KDM5B: variants seen among roughly 807,000 people sequenced by gnomAD.
KDM5B encodes the protein lysine-specific demethylase 5B.
KDM5B carries 144 observed loss-of-function variants against 193.4 expected under a neutral mutation model. That is an observed-to-expected ratio of 0.74 (90% CI 0.65 to 0.86). The LOEUF (loss-of-function observed/expected upper bound fraction) is 0.86, where lower values mean the gene tolerates loss of function less well. Among genes scored for constraint, KDM5B ranks in the 40% least tolerant of loss-of-function variants. The pLI is 0.00. For missense variants in KDM5B, 1,833 were observed against 1,886.9 expected (o/e 0.97, Z 0.53); for synonymous variants, 668 against 682.6 (o/e 0.98, Z 0.33).
In KDM5B at chr1:202,741,637, T is replaced by C. The variant is rs1412271057; in HGVS notation, c.2675A>G (p.Asp892Gly). 1.9e-6 allele frequency: 3 copies of C among 1,614,094 alleles called. No individual in the cohort carries two copies. In the Admixed American group the frequency reaches 5.0e-5, roughly 27 times the overall value. Residue 892 changes from aspartate to glycine, a missense_variant, in exon 19 of 27, where the codon GAC becomes GGC. Physicochemically the swap from Asp to Gly is moderately conservative, Grantham distance 94. This residue lies in a region of KDM5B where 1,379 missense variants were observed against 1,349.6 expected (regional missense o/e 1.02). Coordinates refer to ENST00000367265, the MANE Select transcript of KDM5B (RefSeq NM_006618.5). ...EETPSAAELQ[D>G]LLDVSFEFDV... ...AAATTCAAAGCTGACATCTAGCAAG[T>C]CCTGCAGCTCCGCAGCACTAGGCGT...
intron 1 of KDM5B, among the ~76,000 whole-genome samples, chr1:202,795,139 A>G (rs1051763814): frequency 6.6e-6 from 1 of 152,044 alleles, no homozygotes; most frequent in Non-Finnish European, 1.5e-5. Context: ...GCTTGAGCCC[A>G]GGAGGCAGAG....
At position 202,725,534 on chromosome 1, in the gene KDM5B, T is replaced by C. The variant is rs950568072; in HGVS notation, c.*3502A>G. Reference sequence around the variant, plus strand: ...CATCACACTGCTGCTTCATAGTCACTAGGAGTTGAGGGACCCTGACCCTCA... The same window carrying C: ...CATCACACTGCTGCTTCATAGTCACCAGGAGTTGAGGGACCCTGACCCTCA... On this transcript the variant is annotated 3_prime_UTR_variant, in exon 27 of 27. Transcript: ENST00000367265. 1 of 152,192 alleles carries C rather than the reference T, an allele frequency of 6.6e-6. No homozygotes were observed. Among genetic ancestry groups the C allele is most frequent in the African/African-American group, 2.4e-5 (1 of 41,432 alleles). 9.4% of individuals were successfully genotyped at this position (152,192 alleles called of 1,614,324 possible).
intron 15 of KDM5B, 68 bp downstream of exon 15, chr1:202,746,074 G>A (rs576534556): frequency 4.6e-5 from 73 of 1,575,652 alleles, no homozygotes; most frequent in South Asian, 1.8e-4. Flanking sequence ...CTAGAACTGC[G>A]GTATCATTGA....
chr1:202,748,606 C>T (rs1272677362), intron 14 of KDM5B, among the ~76,000 whole-genome samples: 1 of 151,862 alleles, frequency 6.6e-6, no homozygotes, highest in Admixed American at 6.5e-5. Context: ...TGGTGGCTCA[C>T]GCCTGTAATC....
rs754755990 is a variant in KDM5B, at chr1:202,749,090, T to C, written c.1871A>G (p.Tyr624Cys). ...CATCTCATCGTGGGAAAACACACAA[T>C]ATCGATGAAGCAAGCGATAATGCTC... ...CVEHYRLLHR[Y>C]CVFSHDEMIC... The change falls in exon 14 of 27, where the codon TAT (tyrosine) becomes TGT (cysteine). Residue 624 changes from tyrosine (Y) to cysteine (C), a missense_variant. Physicochemically the swap from Tyr to Cys is radical, Grantham distance 194. Transcript: ENST00000367265. 1.9e-5 allele frequency: 31 copies of C among 1,613,898 alleles called. No individual in the cohort carries two copies. Among genetic ancestry groups the C allele is most frequent in the Non-Finnish European group, 2.5e-5 (30 of 1,179,966 alleles).
chr1:202,773,672 T>C (rs1410074859), intron 3 of KDM5B, among the ~76,000 whole-genome samples: 1 of 152,018 alleles, frequency 6.6e-6, no homozygotes, highest in Admixed American at 6.6e-5. Flanking sequence ...CATGCCAGCA[T>C]GTTTGATGGA....
At chr1:202,732,674 T>C (rs1358792455) in intron 23 of KDM5B, among the ~76,000 whole-genome samples, 1 of 151,898 alleles carries the variant, frequency 6.6e-6, no homozygotes, top group Non-Finnish European at 1.5e-5. Flanking sequence ...ATATAATCCA[T>C]GTGTCTGTGC....
intron 12 of KDM5B, among the ~76,000 whole-genome samples, chr1:202,752,423 G>A (rs1483318450): frequency 6.6e-6 from 1 of 152,012 alleles, no homozygotes; most frequent in African/African-American, 2.4e-5. Flanking sequence ...TGTGTAGTTG[G>A]CTATACCATC....
intron 11 of KDM5B, among the ~76,000 whole-genome samples, chr1:202,754,501 T>C (rs887324751): frequency 6.6e-6 from 1 of 152,136 alleles, no homozygotes; most frequent in African/African-American, 2.4e-5. Flanking sequence ...CTACTGTGCA[T>C]AGTGATACCT....
rs369191122 is a variant in KDM5B, at chr1:202,806,812, G to A, written c.204+1290C>T. 1.4e-4 allele frequency: 22 copies of A among 152,242 alleles called. 1 individual carries two copies. The highest frequency in any genetic ancestry group is 5.1e-4 in the African/African-American group (21 of 41,512). The allele number at this position is 152,242 out of a possible 1,614,324, so 9.4% of individuals were successfully genotyped here. A position where few individuals can be genotyped will look rare whatever the true frequency, so the allele number is the denominator to read the frequency against. On this transcript the variant is annotated intron_variant, in intron 1 of 26. Transcript: ENST00000367265. ...GTGGGAAGGGGTCTTCCTCTACTTA[G>A]AAGTGGGGGTGGGGGAAGAGAGTGG...
rs1368538398 is a variant in KDM5B, at chr1:202,727,724, A to G, written c.*1312T>C. On this transcript the variant is annotated 3_prime_UTR_variant, in exon 27 of 27. Coordinates refer to ENST00000367265, the MANE Select transcript of KDM5B (RefSeq NM_006618.5). ...CAGTTAGAAAGAAATGAGAAAGGAA[A>G]CCAGGAGGCAGAGTCTGGGAATTCA... 6.6e-6 allele frequency: 1 copy of G among 152,556 alleles called. No individual in the cohort carries two copies. The highest frequency in any genetic ancestry group is 1.5e-5 in the Non-Finnish European group (1 of 68,020). 9.5% of individuals were successfully genotyped at this position (152,556 alleles called of 1,614,324 possible). A position where few individuals can be genotyped will look rare whatever the true frequency, so the allele number is the denominator to read the frequency against.
chr1:202,727,292 A>T lies in KDM5B; in HGVS notation c.*1744T>A, dbSNP rs1654707717. On this transcript the variant is annotated 3_prime_UTR_variant, in exon 27 of 27. Coordinates refer to ENST00000367265, the MANE Select transcript of KDM5B (RefSeq NM_006618.5). ...ATTTGAATACTAACAAGGCCAAACCACGATGATTCCAAATTGTACTCTGGA... is the reference window on the plus strand; with the variant it reads ...ATTTGAATACTAACAAGGCCAAACCTCGATGATTCCAAATTGTACTCTGGA... The T allele has an allele frequency of 6.6e-6, 1 of 152,232 alleles. No homozygotes were observed. Among genetic ancestry groups the T allele is most frequent in the African/African-American group, 2.4e-5 (1 of 41,460 alleles). 9.4% of individuals were successfully genotyped at this position (152,232 alleles called of 1,614,324 possible). A position where few individuals can be genotyped will look rare whatever the true frequency, so the allele number is the denominator to read the frequency against.
At chr1:202,807,932 C>A (rs1658375306) in intron 1 of KDM5B, among the ~76,000 whole-genome samples, 170 bp downstream of exon 1, 1 of 152,022 alleles carries the variant, frequency 6.6e-6, no homozygotes, top group Non-Finnish European at 1.5e-5. Flanking sequence ...TGGAGAAGCC[C>A]CCGTCTTCCT....
Position 202,742,510 on chromosome 1 carries a change from A to G in KDM5B, c.2475-5T>C. On this transcript the variant is annotated splice_region_variant and splice_polypyrimidine_tract_variant and intron_variant, in intron 17 of 26. Coordinates refer to ENST00000367265, the MANE Select transcript of KDM5B (RefSeq NM_006618.5). Reference sequence around the variant, plus strand: ...TTCCCTCCACCAGATCGATATCTGTAAAGACAAAGGCCCAAGGAAGCCATA... The same window carrying G: ...TTCCCTCCACCAGATCGATATCTGTGAAGACAAAGGCCCAAGGAAGCCATA... 6.2e-7 allele frequency: 1 copy of G among 1,612,976 alleles called. No individual in the cohort carries two copies. The highest frequency in any genetic ancestry group is 8.5e-7 in the Non-Finnish European group (1 of 1,179,126).
chr1:202,740,288 A>G (rs1317789675), intron 20 of KDM5B, among the ~76,000 whole-genome samples: 1 of 127,210 alleles, frequency 7.9e-6, no homozygotes. Flanking sequence ...GGGGCTCCTC[A>G]CTTTCCAGTA....
chr1:202,736,243 C>A lies in KDM5B; in HGVS notation c.3234G>T (p.Leu1078Phe). 6.3e-7 allele frequency: 1 copy of A among 1,597,862 alleles called. No homozygotes were observed. The highest frequency in any genetic ancestry group is 8.5e-7 in the Non-Finnish European group (1 of 1,171,926). ...AGAGAGAATATGGAGAATTCTCAGTCAAGAATGTATTAACAGCACATTCTT... is the reference window on the plus strand; with the variant it reads ...AGAGAGAATATGGAGAATTCTCAGTAAAGAATGTATTAACAGCACATTCTT... The part of the protein sequence containing the change: ...AWKECAVNTF[L>F]TENSPYSLLE... Residue 1078 changes from leucine to phenylalanine, a missense_variant, in exon 21 of 27, where the codon TTG becomes TTT. Physicochemically the swap from Leu to Phe is conservative, Grantham distance 22. Transcript: ENST00000367265.
intron 1 of KDM5B, among the ~76,000 whole-genome samples, chr1:202,780,460 G>T (rs547401840): frequency 1.0e-3 from 158 of 152,100 alleles, no homozygotes; most frequent in African/African-American, 3.7e-3. Flanking sequence ...AAAGTGCTGG[G>T]ATTACAGGCG....
At position 202,741,675 on chromosome 1, in the gene KDM5B, T is replaced by C. The variant is rs1289161324; in HGVS notation, c.2637A>G (p.Leu879=). 1 of 1,613,616 alleles carries C rather than the reference T, an allele frequency of 6.2e-7. No homozygotes were observed. The highest frequency in any genetic ancestry group is 8.5e-7 in the Non-Finnish European group (1 of 1,179,888). The part of the protein sequence containing the change: ...VEDFQQHSQK[L]LSEETPSAAE... ...CAGCACTAGGCGTTTCCTCAGAGAG[T>C]AGTTTCTGACTATGCTGTTGAAAAT... is the stretch of plus-strand genomic sequence containing the variant. Residue 879 remains leucine, a synonymous_variant, in exon 19 of 27, where the codon CTA becomes CTG. Coordinates refer to ENST00000367265, the MANE Select transcript of KDM5B (RefSeq NM_006618.5).
At chr1:202,735,736 T>A (rs1237003372) in intron 21 of KDM5B, 149 bp from the exon 22 acceptor site, 5 of 646,582 alleles carry the variant, frequency 7.7e-6, no homozygotes, top group Non-Finnish European at 1.3e-5. Flanking sequence ...CCTGAGGCTC[T>A]CCTTTACAAA....
Sources: gnomAD v4.1 joint callset for allele counts (sites outside exome capture counted in the v4.1 genomes callset) on GRCh38, gnomAD v4.1.1 for gene constraint, gnomAD v4.1.1 regional missense constraint, MANE v1.5 for transcripts, NCBI Gene and HGNC (gene_info 2026-07-23, HGNC 2026-07-21) for gene names.